The following CFAP70 variants were observed in gnomAD, a reference collection of about 807,000 sequenced individuals.
CFAP70 encodes cilia and flagella associated protein 70, also known as cilia- and flagella-associated protein 70.
In CFAP70, 81 loss-of-function variants were observed where a neutral mutation model predicts 137.6. The ratio of observed to expected loss-of-function variants is 0.59; its 90% CI spans 0.49 to 0.71. The LOEUF is 0.71. CFAP70 is among the 30% of genes least tolerant of loss of function. The pLI is 0.00. For missense variants in CFAP70, 976 were observed against 1,226.7 expected, an observed-to-expected ratio of 0.80 and a Z score of 3.05; for synonymous variants, 382 against 423.6, an observed-to-expected ratio of 0.90 and a Z score of 1.20.
chr10:73,260,037 AG>A (rs1475546663), intron 25 of CFAP70, among the ~76,000 whole-genome samples: 2 of 151,988 alleles, frequency 1.3e-5, no homozygotes, highest in African/African-American at 2.4e-5. Context: ...CAAAAAAAAA[AG>A]AAAAAAAAAG....
At position 73,297,019 on chromosome 10, in the gene CFAP70, T is replaced by C. The variant is rs564055770; in HGVS notation, c.1644+23A>G. On this transcript the variant is annotated intron_variant, in intron 15 of 26. Coordinates refer to ENST00000310715, the Ensembl canonical transcript of CFAP70. ...CTGATGCTCTACAGAGAAAAGAAAG[T>C]GCTCTCAGTTCTTGACACTTACCTG... The C allele has an allele frequency of 2.5e-6, 4 of 1,605,962 alleles. No homozygotes were observed. In the African/African-American group the frequency reaches 4.0e-5, roughly 16 times the overall value.
intron 19 of CFAP70, among the ~76,000 whole-genome samples, chr10:73,289,011 ATTGGT>A (rs779307266): frequency 8.5e-5 from 13 of 152,298 alleles, no homozygotes; most frequent in Non-Finnish European, 1.8e-4. Context: ...GTCACCTTAC[ATTGGT>A]TCATATCCTT....
chr10:73,359,769 A>G (rs1180016312), upstream of CFAP70, among the ~76,000 whole-genome samples: 2 of 152,136 alleles, frequency 1.3e-5, no homozygotes, highest in African/African-American at 2.4e-5. Flanking sequence ...GAATGCTTCC[A>G]TGGAATACTA....
In CFAP70 at chr10:73,311,815, A is replaced by G. The variant is rs773295965; in HGVS notation, c.1164+19T>C. The G allele has an allele frequency of 3.1e-6, 5 of 1,597,754 alleles. No individual in the cohort carries two copies. The highest frequency in any genetic ancestry group is 4.3e-6 in the Non-Finnish European group (5 of 1,166,620). On this transcript the variant is annotated intron_variant, in intron 11 of 26. Transcript: ENST00000310715. ...CTGGTTAACTTAAACTTAATTTTCC[A>G]AACTTCATGCACAATTACCTGTCCT...
intron 19 of CFAP70, among the ~76,000 whole-genome samples, chr10:73,284,605 T>C (rs1345253931): frequency 6.6e-6 from 1 of 150,378 alleles, no homozygotes; most frequent in African/African-American, 2.4e-5. Flanking sequence ...CTGTGAATTA[T>C]GCGAACATTT....
At position 73,275,297 on chromosome 10, in the gene CFAP70, A is replaced by G; in HGVS notation, c.2673+149T>C. On this transcript the variant is annotated intron_variant, in intron 22 of 26. Coordinates refer to ENST00000310715, the Ensembl canonical transcript of CFAP70. The surrounding 1 kb of genome is among the most constrained non-coding windows in gnomAD (Gnocchi z 4.0). ...CCCAGCCAACTCATGATTACTTAAG[A>G]AAAGCAAATGGAAGGGTATAGAGAG... 1.2e-6 allele frequency: 1 copy of G among 850,398 alleles called. No individual in the cohort carries two copies. The allele number at this position is 850,398 out of a possible 1,614,324, so 52.7% of individuals were successfully genotyped here.
chr10:73,360,399 A>C (rs1029059250), upstream of CFAP70, among the ~76,000 whole-genome samples: 2 of 152,206 alleles, frequency 1.3e-5, no homozygotes, highest in African/African-American at 4.8e-5. Flanking sequence ...CACAGTGAGC[A>C]ATGGAACAAG....
intron 25 of CFAP70, among the ~76,000 whole-genome samples, chr10:73,262,742 G>A (rs1248686761): frequency 6.6e-6 from 1 of 152,200 alleles, no homozygotes; most frequent in Non-Finnish European, 1.5e-5. Context: ...GGTATCCACT[G>A]GGGGGTCTTG....
chr10:73,291,823 T>G (rs1018076450), intron 17 of CFAP70, 58 bp downstream of exon 18: 34 of 1,613,410 alleles, frequency 2.1e-5, no homozygotes, highest in Non-Finnish European at 2.9e-5. Flanking sequence ...CAAGACAATT[T>G]CACGTAGAAA....
exon 10 of CFAP70, chr10:73,312,632 T>C: frequency 6.3e-7 from 1 of 1,577,602 alleles, no homozygotes; most frequent in Non-Finnish European, 8.6e-7. Flanking sequence ...ACAAGCTCAA[T>C]AAACATTTGG....
At chr10:73,332,028 CT>C in intron 7 of CFAP70, among the ~76,000 whole-genome samples, 1 of 152,298 alleles carries the variant, frequency 6.6e-6, no homozygotes, top group East Asian at 1.9e-4. Flanking sequence ...AATAACATTT[CT>C]TAGATCCATC....
intron 21 of CFAP70, chr10:73,276,925 TGGCTCCTGTG>T (rs1246322226): frequency 5.3e-6 from 1 of 189,460 alleles, no homozygotes; most frequent in Non-Finnish European, 1.1e-5. Context: ...GGGAATGATT[TGGCTCCTGTG>T]AACCCCCAAC....
At chr10:73,313,340 C>G (rs1340016266) in intron 9 of CFAP70, among the ~76,000 whole-genome samples, 1 of 146,906 alleles carries the variant, frequency 6.8e-6, no homozygotes, top group Non-Finnish European at 1.5e-5. Flanking sequence ...CCACTGCTCT[C>G]CAGCTTGGGC....
intron 4 of CFAP70, chr10:73,347,115 A>G (rs2132476849): frequency 6.6e-6 from 1 of 152,356 alleles, no homozygotes; most frequent in Admixed American, 6.5e-5. Flanking sequence ...GGTATATGTA[A>G]GTAAGTCAGG....
upstream of CFAP70, among the ~76,000 whole-genome samples, chr10:73,362,592 T>C (rs915656351): frequency 6.6e-6 from 1 of 152,210 alleles, no homozygotes. Flanking sequence ...TATTGGCATA[T>C]AGAAATGCTA....
exon 14 of CFAP70, chr10:73,299,072 C>T (rs148797297): frequency 2.5e-5 from 40 of 1,613,540 alleles, no homozygotes; most frequent in Non-Finnish European, 3.1e-5. Context: ...TAGAAATATT[C>T]TTGATCTGTA....
rs1452520440 is a variant in CFAP70, at chr10:73,311,957, A to C, written c.1084-43T>G. ...CACCTCAAAAATTGAATTCCTACAC[A>C]GTCTTCATAGTGACAAGAACAATGT... On this transcript the variant is annotated intron_variant, in intron 10 of 26. Coordinates refer to ENST00000310715, the Ensembl canonical transcript of CFAP70. 2.2e-6 allele frequency: 3 copies of C among 1,394,434 alleles called. No homozygotes were observed. In the Admixed American group the frequency reaches 5.1e-5, roughly 24 times the overall value. The allele number at this position is 1,394,434 out of a possible 1,614,324, so 86.4% of individuals were successfully genotyped here.
At chr10:73,329,257 G>T (rs2051816038) in intron 8 of CFAP70, among the ~76,000 whole-genome samples, 1 of 151,928 alleles carries the variant, frequency 6.6e-6, no homozygotes, top group Non-Finnish European at 1.5e-5. Context: ...ACCAAACACC[G>T]CATGTTCTCA....
chr10:73,361,770 T>G, upstream of CFAP70, among the ~76,000 whole-genome samples: 1 of 152,224 alleles, frequency 6.6e-6, no homozygotes, highest in Non-Finnish European at 1.5e-5. Flanking sequence ...GTCAACATAT[T>G]TCTGACAATA....
Sources: allele counts gnomAD v4.1 joint callset (sites outside exome capture counted in the v4.1 genomes callset), GRCh38; gene constraint gnomAD v4.1.1; non-coding constraint Gnocchi (gnomAD v3.1); transcripts MANE v1.5; gene names NCBI Gene and HGNC (gene_info 2026-07-23, HGNC 2026-07-21).